CCDC171: variants seen among roughly 807,000 people sequenced by gnomAD.
CCDC171 encodes coiled-coil domain-containing protein 171.
A neutral mutation model predicts 168.2 loss-of-function variants in CCDC171; 177 were observed. The ratio of observed to expected loss-of-function variants is 1.05; its 90% CI spans 0.93 to 1.19. CCDC171 has a LOEUF of 1.19. Ranked by LOEUF, CCDC171 falls within the 50% of genes most tolerant of loss-of-function variation. CCDC171 has a pLI of 0.00. For synonymous variants in CCDC171, 687 were observed against 540.8 expected, an observed-to-expected ratio of 1.27 and a Z score of -3.75; for missense variants, 1,991 against 1,539.0, an observed-to-expected ratio of 1.29 and a Z score of -4.91.
chr9:15,877,613 A>G (rs1818033233), intron 24 of CCDC171, among the ~76,000 whole-genome samples: 1 of 152,032 alleles, frequency 6.6e-6, no homozygotes, highest in Admixed American at 6.6e-5. Context: ...GCAAATTTAA[A>G]CCTATACTAG....
intron 25 of CCDC171, among the ~76,000 whole-genome samples, chr9:15,929,039 A>G (rs1296777812): frequency 6.6e-6 from 1 of 151,336 alleles, no homozygotes; most frequent in Non-Finnish European, 1.5e-5. Context: ...TGTAAATATA[A>G]GTATACATTC....
intron 18 of CCDC171, among the ~76,000 whole-genome samples, chr9:15,746,940 G>A (rs1400531789): frequency 6.6e-6 from 1 of 152,204 alleles, no homozygotes; most frequent in African/African-American, 2.4e-5. Flanking sequence ...GGCAGAGCAG[G>A]ATATTCTCTC....
At chr9:16,089,198 A>T in the CCDC171 span, among the ~76,000 whole-genome samples, 28,612 of 151,732 alleles carry the variant, frequency 0.19, 2,861 homozygotes, top group African/African-American at 0.21. Flanking sequence ...TACATCTTAT[A>T]AAAAATTAAC....
At chr9:15,561,838 G>A (rs991479897) in intron 1 of CCDC171, among the ~76,000 whole-genome samples, 1 of 151,682 alleles carries the variant, frequency 6.6e-6, no homozygotes, top group Non-Finnish European at 1.5e-5. Flanking sequence ...AAAAAAAAAA[G>A]AAAGACTTGA....
intron 23 of CCDC171, among the ~76,000 whole-genome samples, chr9:15,854,859 G>A (rs973362362): frequency 6.6e-6 from 1 of 151,514 alleles, no homozygotes; most frequent in African/African-American, 2.4e-5. Context: ...ATTTAAGAGT[G>A]AGCTGATAAT....
intron 3 of CCDC171, among the ~76,000 whole-genome samples, chr9:15,998,123 C>A (rs1832427429): frequency 6.6e-6 from 1 of 152,162 alleles, no homozygotes; most frequent in Non-Finnish European, 1.5e-5. Flanking sequence ...CACCAAGTCC[C>A]CCAGAGAGAT....
At position 15,571,669 on chromosome 9, in the gene CCDC171, A is replaced by G. The variant is rs1176156836; in HGVS notation, c.87A>G (p.Glu29=). The part of the protein sequence containing the change: ...SLDVKQILKN[E]TELDITDNLR... ...ATGTAAAACAAATACTTAAAAATGA[A>G]ACAGAGTTGGATATTACTGATAATC... Residue 29 remains glutamate (E), a synonymous_variant, in exon 3 of 26, where the codon GAA becomes GAG. Coordinates refer to ENST00000380701, the MANE Select transcript of CCDC171 (RefSeq NM_173550.4). The G allele has an allele frequency of 3.2e-6, 5 of 1,570,306 alleles. No homozygotes were observed. In the East Asian group the frequency reaches 1.2e-4, roughly 37 times the overall value.
intron 7 of CCDC171, among the ~76,000 whole-genome samples, chr9:15,632,662 A>G (rs1299412738): frequency 2.0e-5 from 3 of 152,122 alleles, no homozygotes; most frequent in African/African-American, 7.2e-5. Context: ...ACAGAATTGG[A>G]AAAAACTACT....
intron 25 of CCDC171, among the ~76,000 whole-genome samples, chr9:15,965,738 C>T (rs542740787): frequency 1.3e-5 from 2 of 152,142 alleles, no homozygotes; most frequent in South Asian, 4.2e-4. Flanking sequence ...ATTTAATCCT[C>T]CTAACAGCCC....
intron 25 of CCDC171, among the ~76,000 whole-genome samples, chr9:15,935,452 G>A (rs2132209684): frequency 6.6e-6 from 1 of 152,178 alleles, no homozygotes; most frequent in East Asian, 1.9e-4. Flanking sequence ...TTCAATTGAA[G>A]TTACAAATAC....
At chr9:15,706,367 G>A (rs1010445186) in intron 11 of CCDC171, among the ~76,000 whole-genome samples, 1 of 151,924 alleles carries the variant, frequency 6.6e-6, no homozygotes, top group African/African-American at 2.4e-5. Flanking sequence ...ATGGCTCACT[G>A]CAGTCTCAAC....
chr9:15,627,968 A>G (rs2045312003), intron 7 of CCDC171, among the ~76,000 whole-genome samples: 1 of 151,740 alleles, frequency 6.6e-6, no homozygotes, highest in African/African-American at 2.4e-5. Context: ...CTTGGGTTAG[A>G]CCCTAAGAAT....
chr9:15,844,476 C>T (rs2060813808), intron 21 of CCDC171, among the ~76,000 whole-genome samples: 1 of 151,980 alleles, frequency 6.6e-6, no homozygotes, highest in South Asian at 2.1e-4. Context: ...CACACATCCC[C>T]ATCAATCTTA....
intron 18 of CCDC171, among the ~76,000 whole-genome samples, chr9:15,751,670 T>C (rs995607443): frequency 1.2e-4 from 18 of 152,342 alleles, no homozygotes; most frequent in Admixed American, 3.3e-4. Context: ...AAGCATTCCC[T>C]ATTTAATAAG....
chr9:15,638,644 C>T (rs1275396465), intron 7 of CCDC171, among the ~76,000 whole-genome samples: 5 of 151,172 alleles, frequency 3.3e-5, no homozygotes, highest in Non-Finnish European at 5.9e-5. Flanking sequence ...TTTTTATGTG[C>T]CTGAGCCAAA....
chr9:15,990,059 A>T (rs918693153), intron 3 of CCDC171, among the ~76,000 whole-genome samples: 23 of 152,160 alleles, frequency 1.5e-4, no homozygotes, highest in Non-Finnish European at 3.2e-4. Flanking sequence ...CAACATTCAA[A>T]TTCAGGAAAT....
chr9:15,561,698 T>C (rs2039313972), intron 1 of CCDC171, among the ~76,000 whole-genome samples: 1 of 152,170 alleles, frequency 6.6e-6, no homozygotes. Context: ...CCATCATAGT[T>C]CATATTCAGC....
chr9:16,051,328 G>A (rs1420721024), intron 1 of CCDC171, among the ~76,000 whole-genome samples: 1 of 152,102 alleles, frequency 6.6e-6, no homozygotes, highest in Non-Finnish European at 1.5e-5. Flanking sequence ...TGGACAATGT[G>A]TTTTCATAGC....
At chr9:15,571,782 A>G (rs1372498292) in intron 3 of CCDC171, 23 bp downstream of exon 3, 4 of 1,558,666 alleles carry the variant, frequency 2.6e-6, no homozygotes, top group African/African-American at 1.4e-5. Context: ...TTCCTCTCAA[A>G]TAATGTTAAA....
Sources: gnomAD v4.1 joint callset for allele counts (sites outside exome capture counted in the v4.1 genomes callset) on GRCh38, gnomAD v4.1.1 for gene constraint, MANE v1.5 for transcripts, NCBI Gene and HGNC (gene_info 2026-07-23, HGNC 2026-07-21) for gene names.